The following DTNA variants were observed in gnomAD, a reference collection of about 807,000 sequenced individuals.
DTNA encodes dystrophin-related protein 3.
In DTNA, 43 loss-of-function variants were observed where a neutral mutation model predicts 100.7. That is an observed-to-expected ratio of 0.43 (90% CI 0.33 to 0.55). The LOEUF (loss-of-function observed/expected upper bound fraction) is 0.55. Among genes scored for constraint, DTNA ranks in the 20% least tolerant of loss-of-function variants. The pLI is 0.04. For synonymous variants in DTNA, 349 were observed against 347.9 expected, an observed-to-expected ratio of 1.00 and a Z score of -0.04; for missense variants, 798 against 953.9, an observed-to-expected ratio of 0.84 and a Z score of 2.15.
Position 34,850,403 on chromosome 18 carries a change from C to T in DTNA, c.1435-1428C>T, listed in dbSNP as rs566751527. ...GTTGCCATATGCCAGAATTAGCTACCGAAAGTCATTTAGAATCTAAAATGT... is the reference window on the plus strand; with the variant it reads ...GTTGCCATATGCCAGAATTAGCTACTGAAAGTCATTTAGAATCTAAAATGT... On this transcript the variant is annotated intron_variant, in intron 14 of 22. Coordinates refer to ENST00000444659, the MANE Select transcript of DTNA (RefSeq NM_001386795.1). 1.0e-3 allele frequency among the ~76,000 whole-genome samples: 154 copies of T among 152,184 alleles called. 1 individual carries two copies. The highest frequency in any genetic ancestry group is 3.5e-3 in the African/African-American group (147 of 41,512).
intron 1 of DTNA, among the ~76,000 whole-genome samples, chr18:34,592,837 C>T (rs993795667): frequency 6.6e-6 from 1 of 152,148 alleles, no homozygotes; most frequent in African/African-American, 2.4e-5. Flanking sequence ...GACATTAAAA[C>T]TTAAATGCTG....
chr18:34,706,933 C>T (rs1326840430), upstream of DTNA, among the ~76,000 whole-genome samples: 1 of 152,088 alleles, frequency 6.6e-6, no homozygotes, highest in Non-Finnish European at 1.5e-5. Context: ...TTTTTTGTTG[C>T]TGTCAACACA....
chr18:34,821,065 T>C (rs1235714930), intron 9 of DTNA, 150 bp downstream of exon 9: 1 of 1,211,806 alleles, frequency 8.3e-7, no homozygotes, highest in South Asian at 1.3e-5. Context: ...ATCATAATTT[T>C]TTGTTGTTGT....
At chr18:34,557,328 T>C (rs1422066992) in intron 1 of DTNA, among the ~76,000 whole-genome samples, 5 of 147,532 alleles carry the variant, frequency 3.4e-5, no homozygotes, top group African/African-American at 1.3e-4. Context: ...CTCCTGTAGC[T>C]CAGAGTAATT....
At chr18:34,594,900 A>C (rs756358121) in intron 1 of DTNA, among the ~76,000 whole-genome samples, 1 of 152,188 alleles carries the variant, frequency 6.6e-6, no homozygotes, top group Non-Finnish European at 1.5e-5. Flanking sequence ...ACCTATACTC[A>C]AGAAAGAATC....
At chr18:34,597,941 C>G (rs983306507) in intron 1 of DTNA, among the ~76,000 whole-genome samples, 1 of 152,114 alleles carries the variant, frequency 6.6e-6, no homozygotes, top group Non-Finnish European at 1.5e-5. Context: ...GTGTCTTACT[C>G]GCTTTTTTAT....
intron 3 of DTNA, among the ~76,000 whole-genome samples, chr18:34,769,791 G>A (rs570396336): frequency 7.7e-6 from 1 of 129,448 alleles, no homozygotes; most frequent in East Asian, 2.5e-4. Flanking sequence ...GTGCAATCTC[G>A]GCTCACTGCA....
intron 1 of DTNA, among the ~76,000 whole-genome samples, chr18:34,529,431 A>G (rs1017189507): frequency 8.5e-5 from 13 of 152,154 alleles, no homozygotes; most frequent in African/African-American, 4.8e-5. Context: ...GAACACAAAA[A>G]TATATCTAAA....
intron 1 of DTNA, among the ~76,000 whole-genome samples, chr18:34,578,008 G>C: frequency 6.6e-6 from 1 of 151,522 alleles, no homozygotes. Flanking sequence ...GGATCAAATG[G>C]TAGCTGTACT....
chr18:34,621,097 A>G (rs2056415647), intron 1 of DTNA, among the ~76,000 whole-genome samples: 2 of 151,132 alleles, frequency 1.3e-5, no homozygotes, highest in Non-Finnish European at 2.9e-5. Flanking sequence ...TCAGTTCTAC[A>G]AATGATTACC....
At chr18:34,603,188 G>A (rs2052321134) in intron 1 of DTNA, among the ~76,000 whole-genome samples, 1 of 151,614 alleles carries the variant, frequency 6.6e-6, no homozygotes, top group African/African-American at 2.4e-5. Flanking sequence ...CCCAGCCTGG[G>A]CAGCAGAGTG....
Position 34,865,077 on chromosome 18 carries a change from A to T in DTNA, c.1743+1015A>T, listed in dbSNP as rs529977891. Reference sequence around the variant, plus strand: ...TATAAACAAGCAAGAAGCAGTATGGATTGGAACTGTGACATGTCAAAGGCA... The same window carrying T: ...TATAAACAAGCAAGAAGCAGTATGGTTTGGAACTGTGACATGTCAAAGGCA... On this transcript the variant is annotated intron_variant, in intron 17 of 22. Coordinates refer to ENST00000444659, the MANE Select transcript of DTNA (RefSeq NM_001386795.1). 1.4e-4 allele frequency among the ~76,000 whole-genome samples: 22 copies of T among 152,340 alleles called. No individual in the cohort carries two copies. The East Asian group carries it at 4.2e-3, about 29-fold the overall frequency.
intron 16 of DTNA, among the ~76,000 whole-genome samples, chr18:34,863,256 G>T (rs1362813813): frequency 6.6e-6 from 1 of 152,150 alleles, no homozygotes; most frequent in Admixed American, 6.5e-5. Flanking sequence ...CAACATAAAT[G>T]ATCGAGTATA....
chr18:34,805,551 C>G (rs2095339272), intron 4 of DTNA, among the ~76,000 whole-genome samples: 1 of 152,168 alleles, frequency 6.6e-6, no homozygotes, highest in African/African-American at 2.4e-5. Context: ...TCTCAAACTC[C>G]TGACCTCCAG....
rs1568846630 is a variant in DTNA at position 34,866,992 on chromosome 18, C to CAAATT, written c.1743+2955_1743+2959dup. 1,780 of 1,148,652 alleles carry CAAATT rather than the reference C, an allele frequency of 1.5e-3. 4 individuals carry two copies. The highest frequency in any genetic ancestry group is 0.012 in the African/African-American group (676 of 58,696). The allele number at this position is 1,148,652 out of a possible 1,614,324, so 71.2% of individuals were successfully genotyped here. ...GGAGCAGCAAACTCAAAAAAAAAAA[C>CAAATT]AAATTAAATTAAATTAAATTAAATT... On this transcript the variant is annotated intron_variant, in intron 17 of 22. Coordinates refer to ENST00000444659, the MANE Select transcript of DTNA (RefSeq NM_001386795.1).
chr18:34,830,615 G>GA (rs896083075), intron 11 of DTNA, among the ~76,000 whole-genome samples: 13 of 149,778 alleles, frequency 8.7e-5, no homozygotes, highest in East Asian at 2.0e-4. Context: ...TTACTTAAAA[G>GA]AAAAAAAAAG....
chr18:34,748,730 C>G (rs1465546701), intron 1 of DTNA, among the ~76,000 whole-genome samples: 1 of 152,068 alleles, frequency 6.6e-6, no homozygotes, highest in Admixed American at 6.6e-5. Context: ...AATTTGAGGT[C>G]GGGTAATGTG....
At chr18:34,553,013 A>G (rs1280666995) in intron 1 of DTNA, among the ~76,000 whole-genome samples, 5 of 150,666 alleles carry the variant, frequency 3.3e-5, no homozygotes, top group Non-Finnish European at 7.4e-5. Context: ...AAGTGTTCCT[A>G]TTTCTCCACA....
Position 34,828,227 on chromosome 18 carries a change from C to T in DTNA, c.1085+551C>T, listed in dbSNP as rs74808011. On this transcript the variant is annotated intron_variant, in intron 10 of 22. Transcript: ENST00000444659. ...TGGATCTGCATCTCATTTCTTTGCA[C>T]AAGATCCATTGCCATGTGAGCAAGA... 4.4e-3 allele frequency among the ~76,000 whole-genome samples: 671 copies of T among 152,244 alleles called. 5 individuals are homozygous for T. Among genetic ancestry groups the T allele is most frequent in the African/African-American group, 0.016 (653 of 41,540 alleles).
Sources: allele counts gnomAD v4.1 joint callset (sites outside exome capture counted in the v4.1 genomes callset), GRCh38; gene constraint gnomAD v4.1.1; transcripts MANE v1.5; gene names NCBI Gene and HGNC (gene_info 2026-07-23, HGNC 2026-07-21).